CDHR2: variants seen among roughly 807,000 people sequenced by gnomAD.
The protein encoded by CDHR2 is cadherin-related family member 2.
In CDHR2, 104 loss-of-function variants were observed where a neutral mutation model predicts 138.6. The ratio of observed to expected loss-of-function variants is 0.75; its 90% CI spans 0.64 to 0.88. The LOEUF (loss-of-function observed/expected upper bound fraction) is 0.88, where lower values mean the gene tolerates loss of function less well. CDHR2 is among the 40% of genes least tolerant of loss of function. The pLI is 0.00. For synonymous variants in CDHR2, 755 were observed against 742.8 expected (o/e 1.02, Z -0.27); for missense variants, 1,624 against 1,727.6 (o/e 0.94, Z 1.06).
At chr5:176,567,417 A>G (rs1022280916) in intron 3 of CDHR2, among the ~76,000 whole-genome samples, 1 of 152,012 alleles carries the variant, frequency 6.6e-6, no homozygotes, top group African/African-American at 2.4e-5. Flanking sequence ...CAGTTCTCCC[A>G]TCTCGGCTTC....
chr5:176,566,801 G>C, intron 3 of CDHR2: 1 of 391,710 alleles, frequency 2.6e-6, no homozygotes, highest in Non-Finnish European at 5.1e-6. Flanking sequence ...CTAAGCCACA[G>C]ACCCACGCCT....
At position 176,553,304 on chromosome 5, in the gene CDHR2, T is replaced by C. The variant is rs1581129251; in HGVS notation, c.-16+3890T>C. ...CCCATTACTGGCTGGGCCGCGCCCT[T>C]TCCCCTCTTGGACGTCAGTTTGCTG... On this transcript the variant is annotated intron_variant, in intron 1 of 31. Transcript: ENST00000261944. This position sits in a 1 kb window ranked among gnomAD's most constrained non-coding sequence, Gnocchi z 4.3. Among the ~76,000 whole-genome samples the C allele has an allele frequency of 1.3e-5, 2 of 152,310 alleles. No homozygotes were observed. The highest frequency in any genetic ancestry group is 3.9e-4 in the East Asian group (2 of 5,184).
chr5:176,588,791 G>T (rs951093012), intron 21 of CDHR2, among the ~76,000 whole-genome samples: 12 of 152,042 alleles, frequency 7.9e-5, no homozygotes, highest in Non-Finnish European at 2.9e-5. Context: ...CACATGTGAG[G>T]GACTTAGGGC....
intron 10 of CDHR2, 23 bp downstream of exon 10, chr5:176,575,604 C>A: frequency 6.2e-7 from 1 of 1,612,806 alleles, no homozygotes; most frequent in Non-Finnish European, 8.5e-7. Flanking sequence ...TGTCCCCAGG[C>A]CAGGGCTGGG....
intron 3 of CDHR2, among the ~76,000 whole-genome samples, 153 bp downstream of exon 3, chr5:176,565,896 G>C (rs1048720844): frequency 6.6e-6 from 1 of 152,170 alleles, no homozygotes; most frequent in South Asian, 2.1e-4. Context: ...CCAGAAGTTT[G>C]TTTTCTTCTC....
chr5:176,561,283 C>T (rs1270294166), intron 1 of CDHR2, among the ~76,000 whole-genome samples: 3 of 152,140 alleles, frequency 2.0e-5, no homozygotes, highest in Non-Finnish European at 4.4e-5. Context: ...GACCCAGGCT[C>T]TCAGGTCCAC....
intron 1 of CDHR2, among the ~76,000 whole-genome samples, chr5:176,552,387 G>C (rs988704099): frequency 6.6e-6 from 1 of 152,226 alleles, no homozygotes; most frequent in Non-Finnish European, 1.5e-5. Context: ...TGCAGGGTGT[G>C]GACCGAGAAC....
At chr5:176,542,737 C>CG (rs1326291568) in exon 1 of CDHR2, 1 of 152,306 alleles carries the variant, frequency 6.6e-6, no homozygotes, top group Non-Finnish European at 1.5e-5. Context: ...GGACTCTCTC[C>CG]GGACCCCGCA....
rs1757766596 is a variant in CDHR2 at position 176,553,983 on chromosome 5, A to G, written c.-16+4569A>G. 6.6e-6 allele frequency among the ~76,000 whole-genome samples: 1 copy of G among 152,154 alleles called. No individual in the cohort carries two copies. Among genetic ancestry groups the G allele is most frequent in the Non-Finnish European group, 1.5e-5 (1 of 68,038 alleles). ...CATCGCTGTCCCTGTCTCACTGAGG[A>G]CTGTGGCTCAGCACTGCTGGGGGTT... On this transcript the variant is annotated intron_variant, in intron 1 of 31. Coordinates refer to ENST00000261944, the MANE Select transcript of CDHR2 (RefSeq NM_017675.6). The surrounding 1 kb of genome is among the most constrained non-coding windows in gnomAD (Gnocchi z 4.3).
Position 176,578,592 on chromosome 5 carries a change from T to G in CDHR2, c.1802T>G (p.Val601Gly). The G allele has an allele frequency of 6.2e-7, 1 of 1,611,882 alleles. No individual in the cohort carries two copies. The highest frequency in any genetic ancestry group is 1.1e-5 in the South Asian group (1 of 91,086). Residue 601 changes from valine to glycine, a missense_variant, in exon 16 of 32, where the codon GTC becomes GGC. Val to Gly is a moderately radical substitution (Grantham distance 109). Transcript: ENST00000261944. ...TTCGTCCAGGAGGAGGAGGGCAATGTCTCCGTGACCATCCAGGTGTGAGCC... is the reference window on the plus strand; with the variant it reads ...TTCGTCCAGGAGGAGGAGGGCAATGGCTCCGTGACCATCCAGGTGTGAGCC... ...NIFVQEEEGN[V>G]SVTIQAHDND...
chr5:176,587,046 C>T (rs571587344), intron 21 of CDHR2, among the ~76,000 whole-genome samples: 61 of 152,298 alleles, frequency 4.0e-4, no homozygotes, highest in Admixed American at 6.5e-4. Flanking sequence ...ATGTCATGAC[C>T]GTAAATACCA....
intron 21 of CDHR2, among the ~76,000 whole-genome samples, chr5:176,588,517 ATGTG>A (rs749668020): frequency 7.5e-5 from 9 of 120,744 alleles, no homozygotes; most frequent in African/African-American, 2.9e-4. Context: ...GAGTGTGTGC[ATGTG>A]TGTGAGTGTG....
At chr5:176,577,837 C>A (rs763011730) in intron 14 of CDHR2, 39 bp downstream of exon 14, 2 of 1,604,620 alleles carry the variant, frequency 1.2e-6, no homozygotes, top group African/African-American at 1.4e-5. Flanking sequence ...GGGGTCCCAG[C>A]AAGCGGGCGT....
chr5:176,551,421 G>A (rs1175942856), intron 1 of CDHR2, among the ~76,000 whole-genome samples: 1 of 152,226 alleles, frequency 6.6e-6, no homozygotes, highest in Non-Finnish European at 1.5e-5. Flanking sequence ...CAACAGTAGT[G>A]GCCGGAGGGC....
intron 1 of CDHR2, among the ~76,000 whole-genome samples, chr5:176,562,725 C>A (rs577157397): frequency 1.3e-5 from 2 of 152,110 alleles, no homozygotes; most frequent in Non-Finnish European, 2.9e-5. Context: ...ACAGACACTT[C>A]GAAATGGGGT....
chr5:176,590,100 A>C lies in CDHR2; in HGVS notation c.3229A>C (p.Thr1077Pro), dbSNP rs752082395. 6.2e-7 allele frequency: 1 copy of C among 1,613,712 alleles called. No homozygotes were observed. Among genetic ancestry groups the C allele is most frequent in the Non-Finnish European group, 8.5e-7 (1 of 1,179,982 alleles). ...INAALTQATRTTVYIVDIQDI... is the reference protein window; with the variant it reads ...INAALTQATRPTVYIVDIQDI... ...CAGGGCTCTTACCCAGGCAACCAGG[A>C]CTACAGTATACATTGTGGACATTCA... Residue 1077 changes from threonine to proline, a missense_variant, in exon 25 of 32, where the codon ACT becomes CCT. Coordinates refer to ENST00000261944, the MANE Select transcript of CDHR2 (RefSeq NM_017675.6).
intron 21 of CDHR2, among the ~76,000 whole-genome samples, chr5:176,588,321 T>C (rs976662525): frequency 6.6e-6 from 1 of 151,924 alleles, no homozygotes; most frequent in African/African-American, 2.4e-5. Context: ...TGTGTATGTG[T>C]GTGACTGTGC....
At chr5:176,569,875 G>C (rs936156251) in intron 5 of CDHR2, among the ~76,000 whole-genome samples, 1 of 151,524 alleles carries the variant, frequency 6.6e-6, no homozygotes, top group African/African-American at 2.4e-5. Flanking sequence ...CACAAGAATC[G>C]CTTGAACCCG....
upstream of CDHR2, among the ~76,000 whole-genome samples, chr5:176,548,407 G>A (rs1757630464): frequency 6.6e-6 from 1 of 152,208 alleles, no homozygotes; most frequent in Admixed American, 6.5e-5. Context: ...ACTTGTGGCT[G>A]AGCCCCTTCG....
Sources: allele counts gnomAD v4.1 joint callset (sites outside exome capture counted in the v4.1 genomes callset), GRCh38; gene constraint gnomAD v4.1.1; non-coding constraint Gnocchi (gnomAD v3.1); transcripts MANE v1.5; gene names NCBI Gene and HGNC (gene_info 2026-07-23, HGNC 2026-07-21).